The following SENP8 variants were observed in gnomAD, a reference collection of about 807,000 sequenced individuals.
SENP8 encodes the protein SUMO peptidase family member, NEDD8 specific.
A neutral mutation model predicts 14.4 loss-of-function variants in SENP8; 10 were observed. The ratio of observed to expected loss-of-function variants is 0.69; its 90% confidence interval spans 0.43 to 1.18. The LOEUF (loss-of-function observed/expected upper bound fraction) is 1.18. Among genes scored for constraint, SENP8 ranks in the 50% most tolerant of loss-of-function variants. SENP8 has a pLI of 0.00. For missense variants in SENP8, 202 were observed against 249.4 expected (o/e 0.81, Z 1.28); for synonymous variants, 94 against 95.5 (o/e 0.98, Z 0.09).
chr15:72,115,759 A>G (rs908491101), upstream of SENP8, among the ~76,000 whole-genome samples: 7 of 152,252 alleles, frequency 4.6e-5, no homozygotes, highest in African/African-American at 1.7e-4. Context: ...CAGAGGTTCA[A>G]TGAGAAATTT....
At chr15:72,117,639 G>A (rs1407164412), upstream of SENP8, 2 of 395,544 alleles carry the variant, frequency 5.1e-6, no homozygotes, top group Non-Finnish European at 8.9e-6. Context: ...ACGTGGGCCA[G>A]GACGGGCTGC....
At chr15:72,115,109 A>T (rs1031844819), upstream of SENP8, among the ~76,000 whole-genome samples, 1 of 152,262 alleles carries the variant, frequency 6.6e-6, no homozygotes, top group African/African-American at 2.4e-5. Context: ...TATATTAGAT[A>T]GTGAATCTCA....
Position 72,140,298 on chromosome 15 carries a change from CT to C in SENP8, c.*39del. The C allele has an allele frequency of 6.9e-7, 1 of 1,450,136 alleles. No homozygotes were observed. Among genetic ancestry groups the C allele is most frequent in the Non-Finnish European group, 9.6e-7 (1 of 1,038,958 alleles). 89.8% of individuals were successfully genotyped at this position (1,450,136 alleles called of 1,614,324 possible). On this transcript the variant is annotated 3_prime_UTR_variant, in exon 2 of 2. Coordinates refer to ENST00000340912, the MANE Select transcript of SENP8 (RefSeq NM_145204.4). ...ATATTTGCGACTTTTGAAGGCTCCTCTTTCTGCCCTTCCCCATTTGTTGGAT... is the reference window on the plus strand; with the variant it reads ...ATATTTGCGACTTTTGAAGGCTCCTCTTCTGCCCTTCCCCATTTGTTGGAT...
chr15:72,132,612 T>C (rs1219046044), intron 1 of SENP8, among the ~76,000 whole-genome samples: 1 of 150,252 alleles, frequency 6.7e-6, no homozygotes, highest in Non-Finnish European at 1.5e-5. Flanking sequence ...TATCATCCTC[T>C]CACTCACCCC....
chr15:72,129,024 A>T (rs1185795233), intron 1 of SENP8, among the ~76,000 whole-genome samples: 1 of 152,204 alleles, frequency 6.6e-6, no homozygotes, highest in Non-Finnish European at 1.5e-5. Context: ...AGTAAAACAG[A>T]TTTATCTGGA....
upstream of SENP8, chr15:72,117,908 G>A (rs1223977598): frequency 2.5e-6 from 1 of 398,444 alleles, no homozygotes; most frequent in Non-Finnish European, 4.4e-6. Flanking sequence ...CACATCCCCC[G>A]CCGCACCCCG....
At position 72,143,193 on chromosome 15, in the gene SENP8, T is replaced by TA. The variant is rs1190855815; in HGVS notation, c.*2932dup. The TA allele has an allele frequency of 1.0e-4, 15 of 149,604 alleles. No homozygotes were observed. The highest frequency in any genetic ancestry group is 3.5e-4 in the African/African-American group (14 of 40,382). The allele number at this position is 149,604 out of a possible 1,614,324, so 9.3% of individuals were successfully genotyped here. On this transcript the variant is annotated 3_prime_UTR_variant, in exon 2 of 2. Transcript: ENST00000340912. ...AGCCTAGGCAACAGAGCGAGACTCT[T>TA]ATCTCAAAAAAAAAAAAAAAAGTAT...
At chr15:72,134,944 T>C (rs372423969) in intron 1 of SENP8, 2 of 298,538 alleles carry the variant, frequency 6.7e-6, no homozygotes, top group Non-Finnish European at 1.3e-5. Flanking sequence ...AGAACAGAGA[T>C]AGCTTCCTGA....
chr15:72,140,030 T>G lies in SENP8; in HGVS notation c.407T>G (p.Leu136Arg). Residue 136 changes from leucine to arginine, a missense_variant, in exon 2 of 2, where the codon CTG becomes CGG. Coordinates refer to ENST00000340912, the MANE Select transcript of SENP8 (RefSeq NM_145204.4). Reference sequence around the variant, plus strand: ...CACGCAAAGCAGGTAGCAGAGAAACTGGAGGCTTTCTTAGGCAGAAAAGGA... The same window carrying G: ...CACGCAAAGCAGGTAGCAGAGAAACGGGAGGCTTTCTTAGGCAGAAAAGGA... Reference protein sequence around the residue: ...SVHAKQVAEKLEAFLGRKGDK... With the variant: ...SVHAKQVAEKREAFLGRKGDK... 1 of 1,614,186 alleles carries G rather than the reference T, an allele frequency of 6.2e-7. No individual in the cohort carries two copies. The highest frequency in any genetic ancestry group is 8.5e-7 in the Non-Finnish European group (1 of 1,180,040).
At chr15:72,126,193 C>G (rs1055302332) in intron 1 of SENP8, among the ~76,000 whole-genome samples, 5 of 152,102 alleles carry the variant, frequency 3.3e-5, no homozygotes, top group African/African-American at 9.7e-5. Flanking sequence ...GTCCAGTATA[C>G]TAGCACTAGC....
At chr15:72,138,608 C>A (rs1350790270) in intron 1 of SENP8, among the ~76,000 whole-genome samples, 1 of 151,322 alleles carries the variant, frequency 6.6e-6, no homozygotes, top group Non-Finnish European at 1.5e-5. Flanking sequence ...CCTTGGCCTC[C>A]CAAAGTGCTG....
intron 1 of SENP8, among the ~76,000 whole-genome samples, chr15:72,119,156 G>A (rs890502632): frequency 2.0e-5 from 3 of 152,170 alleles, no homozygotes; most frequent in African/African-American, 4.8e-5. Flanking sequence ...TTCTGTTTAG[G>A]TAGAAGACTC....
At chr15:72,118,369 T>TG (rs150424577), upstream of SENP8, 2,487 of 167,580 alleles carry the variant, frequency 0.015, 73 homozygotes, top group African/African-American at 0.054. Flanking sequence ...GTCGCAAGGT[T>TG]GGGGACGAAA....
At chr15:72,130,430 A>G (rs1385449903) in intron 1 of SENP8, among the ~76,000 whole-genome samples, 1 of 152,246 alleles carries the variant, frequency 6.6e-6, no homozygotes, top group Non-Finnish European at 1.5e-5. Flanking sequence ...AGCCATAAAC[A>G]GTATGTGAAC....
chr15:72,115,981 A>G (rs1596622251), upstream of SENP8, among the ~76,000 whole-genome samples: 1 of 152,372 alleles, frequency 6.6e-6, no homozygotes, highest in East Asian at 1.9e-4. Context: ...ATGTATTGTT[A>G]AGAAATGACC....
chr15:72,128,151 C>CAG (rs367919734), intron 1 of SENP8, among the ~76,000 whole-genome samples: 2 of 151,644 alleles, frequency 1.3e-5, no homozygotes, highest in Admixed American at 6.6e-5. Context: ...GAAGAAAAAA[C>CAG]AGAGAGAGAG....
At chr15:72,138,012 G>A (rs1596658944) in intron 1 of SENP8, among the ~76,000 whole-genome samples, 1 of 151,926 alleles carries the variant, frequency 6.6e-6, no homozygotes, top group South Asian at 2.1e-4. Flanking sequence ...GAAATGAAAA[G>A]TATTTCCCTT....
At chr15:72,134,173 T>G (rs893006506) in intron 1 of SENP8, among the ~76,000 whole-genome samples, 12 of 152,218 alleles carry the variant, frequency 7.9e-5, no homozygotes, top group Non-Finnish European at 1.3e-4. Flanking sequence ...CTCGAACTCC[T>G]AAGCTCAGGC....
intron 1 of SENP8, among the ~76,000 whole-genome samples, chr15:72,123,446 G>C (rs1041053005): frequency 1.3e-5 from 2 of 151,742 alleles, no homozygotes; most frequent in Non-Finnish European, 1.5e-5. Flanking sequence ...TCATTTCTCA[G>C]AAAATTTGAA....
Sources: allele counts gnomAD v4.1 joint callset (sites outside exome capture counted in the v4.1 genomes callset), GRCh38; gene constraint gnomAD v4.1.1; transcripts MANE v1.5; gene names NCBI Gene and HGNC (gene_info 2026-07-23, HGNC 2026-07-21).